Variants in FGF13 observed in about 807,000 individuals in gnomAD.
FGF13 encodes the protein fibroblast growth factor 13.
FGF13 carries 2 observed loss-of-function variants against 19.5 expected under a neutral mutation model. That is an observed-to-expected ratio of 0.10 (90% CI 0.04 to 0.32). The LOEUF is 0.32. Ranked by LOEUF, FGF13 falls within the 10% of genes least tolerant of loss-of-function variation. The pLI is 1.00. For missense variants in FGF13, 113 were observed against 192.7 expected (o/e 0.59, Z 2.45); for synonymous variants, 72 against 76.9 (o/e 0.94, Z 0.33).
At position 138,927,957 on chromosome X, in the gene FGF13, G is replaced by A. The variant is rs1328012724; in HGVS notation, c.-112-63307C>T. On this transcript the variant is annotated intron_variant, in intron 1 of 2. Transcript: ENST00000421460. ...ATATTTACATATAAAGCTATTTATCGGAATAATTATTTAGGACAATTAAAT... is the reference window on the plus strand; with the variant it reads ...ATATTTACATATAAAGCTATTTATCAGAATAATTATTTAGGACAATTAAAT... 1.2e-4 allele frequency among the ~76,000 whole-genome samples: 13 copies of A among 111,471 alleles called. No homozygotes were observed. In the East Asian group the frequency reaches 2.0e-3, roughly 17 times the overall value.
In FGF13 at chrX:139,003,233, C is replaced by T. The variant is rs183277715; in HGVS notation, c.-112-138583G>A. On this transcript the variant is annotated intron_variant, in intron 1 of 2. Transcript: ENST00000421460. Reference sequence around the variant, plus strand: ...GCTCAGGAGTGAAGCTGCAGACCTTCGCGGTGAGTGTTACAGCTCTTAAGG... The same window carrying T: ...GCTCAGGAGTGAAGCTGCAGACCTTTGCGGTGAGTGTTACAGCTCTTAAGG... Among the ~76,000 whole-genome samples the T allele has an allele frequency of 3.9e-3, 431 of 110,041 alleles. 1 individual carries two copies. The highest frequency in any genetic ancestry group is 0.013 in the African/African-American group (404 of 30,116).
At chrX:138,961,655 A>G (rs1223293867) in intron 1 of FGF13, among the ~76,000 whole-genome samples, 2 of 111,987 alleles carry the variant, frequency 1.8e-5, no homozygotes, top group Admixed American at 9.5e-5. Flanking sequence ...ATATAGACCA[A>G]TGGAACAGAA....
At chrX:139,179,560 C>T (rs1356590401) in intron 1 of FGF13, among the ~76,000 whole-genome samples, 4 of 111,160 alleles carry the variant, frequency 3.6e-5, no homozygotes, top group Admixed American at 9.5e-5. Flanking sequence ...CTTAGTTTAT[C>T]AACTAAACTC....
chrX:139,049,646 C>T (rs920364319), intron 1 of FGF13, among the ~76,000 whole-genome samples: 6 of 112,633 alleles, frequency 5.3e-5, no homozygotes, highest in African/African-American at 1.9e-4. Flanking sequence ...GGCAGCTGGG[C>T]TTCAGAGGAA....
At chrX:138,758,558 G>T (rs145898578) in intron 3 of FGF13, among the ~76,000 whole-genome samples, 1,639 of 110,919 alleles carry the variant, frequency 0.015, 18 homozygotes, top group African/African-American at 0.051. Context: ...CTAGCTAGTG[G>T]TTGAGATGAG....
chrX:139,122,747 A>C (rs1345303759), intron 1 of FGF13, among the ~76,000 whole-genome samples: 1 of 111,420 alleles, frequency 9.0e-6, no homozygotes, highest in Non-Finnish European at 1.9e-5. Flanking sequence ...GCATTTACTC[A>C]GTCCCTCAGA....
At chrX:138,944,142 G>A (rs773891695) in intron 1 of FGF13, among the ~76,000 whole-genome samples, 1 of 111,261 alleles carries the variant, frequency 9.0e-6, no homozygotes, top group African/African-American at 3.3e-5. Context: ...AAAGAAGATT[G>A]AGACTCAGGA....
At chrX:138,846,993 G>T (rs2091187670) in intron 3 of FGF13, among the ~76,000 whole-genome samples, 1 of 111,499 alleles carries the variant, frequency 9.0e-6, no homozygotes, top group African/African-American at 3.3e-5. Flanking sequence ...AGTCCCTTCT[G>T]CTTATGACAA....
intron 1 of FGF13, among the ~76,000 whole-genome samples, chrX:139,064,015 T>A (rs1180925633): frequency 1.8e-5 from 2 of 111,351 alleles, no homozygotes; most frequent in Non-Finnish European, 3.8e-5. Context: ...GCATATATTT[T>A]GAAGGTATGT....
chrX:139,017,341 A>G (rs1206137603), intron 1 of FGF13, among the ~76,000 whole-genome samples: 3 of 106,878 alleles, frequency 2.8e-5, no homozygotes, highest in Non-Finnish European at 5.8e-5. Context: ...ACATGTATGT[A>G]TATATATATA....
chrX:138,803,103 C>A (rs1192384741), intron 3 of FGF13, among the ~76,000 whole-genome samples: 1 of 111,815 alleles, frequency 8.9e-6, no homozygotes, highest in Non-Finnish European at 1.9e-5. Flanking sequence ...ATTTCTCCAA[C>A]TCTAATGGCA....
intron 1 of FGF13, among the ~76,000 whole-genome samples, chrX:139,126,647 G>C (rs1355503282): frequency 9.0e-6 from 1 of 111,622 alleles, no homozygotes; most frequent in Admixed American, 9.5e-5. Flanking sequence ...CTTAGATGAG[G>C]TCACAGTCAT....
intron 1 of FGF13, among the ~76,000 whole-genome samples, chrX:139,084,591 C>T (rs1681348170): frequency 8.9e-6 from 1 of 111,885 alleles, no homozygotes; most frequent in Non-Finnish European, 1.9e-5. Context: ...AGCAGATGTC[C>T]TTGAAAACAG....
chrX:138,905,833 C>T (rs772822137), intron 1 of FGF13, among the ~76,000 whole-genome samples: 2 of 111,525 alleles, frequency 1.8e-5, no homozygotes, highest in African/African-American at 3.3e-5. Context: ...AAGGAAGAAA[C>T]CACCATTCTC....
chrX:139,155,433 G>T (rs1461446310), intron 1 of FGF13, among the ~76,000 whole-genome samples: 1 of 111,636 alleles, frequency 9.0e-6, no homozygotes, highest in Non-Finnish European at 1.9e-5. Flanking sequence ...GGTCAGTGCT[G>T]GCCAACAAGT....
intron 3 of FGF13, among the ~76,000 whole-genome samples, chrX:138,694,442 T>C (rs1361034202): frequency 2.8e-5 from 3 of 105,957 alleles, no homozygotes; most frequent in African/African-American, 3.4e-5. Context: ...TTCTTTTTTC[T>C]TTTCTTTTCT....
intron 3 of FGF13, among the ~76,000 whole-genome samples, chrX:138,788,491 G>A (rs116694534): frequency 6.2e-4 from 70 of 112,291 alleles, no homozygotes; most frequent in African/African-American, 2.1e-3. Context: ...ATGGCTATGG[G>A]TGGAGATTGT....
chrX:138,998,851 G>C (rs181710093), intron 1 of FGF13, among the ~76,000 whole-genome samples: 142 of 111,657 alleles, frequency 1.3e-3, no homozygotes, highest in African/African-American at 4.6e-3. Context: ...GAAATCTACA[G>C]AACTCTCCAC....
intron 1 of FGF13, among the ~76,000 whole-genome samples, chrX:139,096,304 G>A (rs188307069): frequency 8.9e-6 from 1 of 112,059 alleles, no homozygotes; most frequent in African/African-American, 3.2e-5. Context: ...GAAACTGGGG[G>A]AATTCATGGA....
Sources: gnomAD v4.1 joint callset for allele counts (sites outside exome capture counted in the v4.1 genomes callset) on GRCh38, gnomAD v4.1.1 for gene constraint, MANE v1.5 for transcripts, NCBI Gene and HGNC (gene_info 2026-07-23, HGNC 2026-07-21) for gene names.